Variants in IST1 observed in about 807,000 individuals in gnomAD.
IST1 encodes the protein IST1 homolog.
Under a neutral mutation model 37.0 loss-of-function variants are expected in IST1, and 23 were observed. The observed-to-expected ratio is 0.62, with a 90% CI of 0.45 to 0.88. The LOEUF (loss-of-function observed/expected upper bound fraction) is 0.88. Among genes scored for constraint, IST1 ranks in the 40% least tolerant of loss-of-function variants. The probability of loss-of-function intolerance (pLI) is 0.00; values close to 1 mark genes in which losing one functional copy is unlikely to be tolerated. For synonymous variants in IST1, 180 were observed against 161.7 expected, an observed-to-expected ratio of 1.11 and a Z score of -0.86; for missense variants, 488 against 445.4, an observed-to-expected ratio of 1.10 and a Z score of -0.86.
intron 2 of IST1, 99 bp downstream of exon 2, chr16:71,915,827 ATT>A: frequency 1.4e-6 from 1 of 697,388 alleles, no homozygotes; most frequent in Non-Finnish European, 2.4e-6. Flanking sequence ...TAGGGATCAT[ATT>A]TTTTTTTGTT....
chr16:71,922,472 A>G lies in IST1; in HGVS notation c.553-2A>G. 6.2e-7 allele frequency: 1 copy of G among 1,610,832 alleles called. No homozygotes were observed. The highest frequency in any genetic ancestry group is 1.7e-4 in the Middle Eastern group (1 of 6,028). On this transcript the variant is annotated splice_acceptor_variant, in intron 6 of 9. Coordinates refer to ENST00000378799, the MANE Select transcript of IST1 (RefSeq NM_001270975.2). LOFTEE classifies it high-confidence loss of function. ...TGACCTGGGTTTCTCTTTTTTTCTC[A>G]GGCAGAAGCTCCTCCTGGGGTAGAG... is the stretch of plus-strand genomic sequence containing the variant.
At chr16:71,922,735 T>TG in intron 7 of IST1, 55 bp downstream of exon 7, 1 of 1,442,212 alleles carries the variant, frequency 6.9e-7, no homozygotes, top group South Asian at 1.2e-5. Context: ...GATAACAAGT[T>TG]GGCTCTGTGA....
At chr16:71,922,880 A>G in intron 7 of IST1, 200 bp downstream of exon 7, 2 of 607,204 alleles carry the variant, frequency 3.3e-6, no homozygotes, top group Non-Finnish European at 5.8e-6. Flanking sequence ...GAAAATCTAT[A>G]GAGTTGGTGC....
rs139201889 is a variant in IST1 at position 71,914,947 on chromosome 16, C to G, written c.-15-679C>G. 2.3e-3 allele frequency among the ~76,000 whole-genome samples: 353 copies of G among 152,240 alleles called. 1 individual carries two copies. Among genetic ancestry groups the G allele is most frequent in the African/African-American group, 8.1e-3 (337 of 41,544 alleles). Reference sequence around the variant, plus strand: ...GGTAGAGGACGGGTGGTTTTGTTTACTGTAACTCTGCTATTCAGTGAAATT... The same window carrying G: ...GGTAGAGGACGGGTGGTTTTGTTTAGTGTAACTCTGCTATTCAGTGAAATT... On this transcript the variant is annotated intron_variant, in intron 1 of 9. Coordinates refer to ENST00000378799, the MANE Select transcript of IST1 (RefSeq NM_001270975.2).
At position 71,924,808 on chromosome 16, in the gene IST1, C is replaced by T. The variant is rs766516744; in HGVS notation, c.892C>T (p.Gln298Ter). The change falls in exon 9 of 10, where the codon CAG becomes TAG. Residue 298 changes from glutamine (Q) to a stop codon, truncating the protein, a stop_gained. Transcript: ENST00000378799. LOFTEE classifies it high-confidence loss of function. ...TGCTGATAAGAATATCTCTTCTGCA[C>T]AGATTGTTGGTGAGTAGTATCAATC... Reference protein sequence around the residue: ...INADKNISSAQIVGPGPKPEA... With the variant: ...INADKNISSA 1 of 1,607,218 alleles carries T rather than the reference C, an allele frequency of 6.2e-7. No homozygotes were observed. The highest frequency in any genetic ancestry group is 8.5e-7 in the Non-Finnish European group (1 of 1,173,660).
intron 1 of IST1, among the ~76,000 whole-genome samples, chr16:71,911,015 G>A (rs2037342193): frequency 6.6e-6 from 1 of 152,112 alleles, no homozygotes; most frequent in Non-Finnish European, 1.5e-5. Flanking sequence ...TGAGGTGGGT[G>A]GATCACTTGA....
intron 1 of IST1, among the ~76,000 whole-genome samples, chr16:71,901,858 G>C (rs2037116039): frequency 6.6e-6 from 1 of 152,210 alleles, no homozygotes; most frequent in South Asian, 2.1e-4. Flanking sequence ...GTGTGTGGGT[G>C]ACATACCGTT....
chr16:71,927,241 T>TGTAATCCA (rs2037765727), intron 9 of IST1, among the ~76,000 whole-genome samples: 1 of 152,190 alleles, frequency 6.6e-6, no homozygotes, highest in Non-Finnish European at 1.5e-5. Flanking sequence ...GGCTCACACC[T>TGTAATCCA]GTAATCCAGC....
chr16:71,929,509 A>G lies in IST1; in HGVS notation c.*1696A>G. 6.5e-7 allele frequency: 1 copy of G among 1,531,330 alleles called. No homozygotes were observed. Among genetic ancestry groups the G allele is most frequent in the South Asian group, 1.2e-5 (1 of 80,262 alleles). 94.9% of individuals were successfully genotyped at this position (1,531,330 alleles called of 1,614,324 possible). A position where few individuals can be genotyped will look rare whatever the true frequency, so the allele number is the denominator to read the frequency against. On this transcript the variant is annotated 3_prime_UTR_variant, in exon 10 of 10. Coordinates refer to ENST00000378799, the MANE Select transcript of IST1 (RefSeq NM_001270975.2). ...AAAGATAAGTAGTAATACGCTAATAAATACTAAGCCAAGTAGGAGATAACA... is the reference window on the plus strand; with the variant it reads ...AAAGATAAGTAGTAATACGCTAATAGATACTAAGCCAAGTAGGAGATAACA...
intron 1 of IST1, among the ~76,000 whole-genome samples, chr16:71,915,191 T>C (rs375939909): frequency 6.6e-6 from 1 of 152,178 alleles, no homozygotes; most frequent in East Asian, 1.9e-4. Flanking sequence ...CTTCCCCCAT[T>C]GCCATCCCTG....
intron 1 of IST1, among the ~76,000 whole-genome samples, chr16:71,914,642 A>G (rs1357929296): frequency 6.6e-6 from 1 of 152,148 alleles, no homozygotes; most frequent in Non-Finnish European, 1.5e-5. Flanking sequence ...GGGTAAAGAA[A>G]GGCTTTTGGG....
At chr16:71,922,938 TTA>T (rs1009351060) in intron 7 of IST1, 2 of 546,666 alleles carry the variant, frequency 3.7e-6, no homozygotes, top group Non-Finnish European at 6.5e-6. Context: ...TTGGGATCTG[TTA>T]TAGTCATACT....
rs369116888 is a variant in IST1, at chr16:71,921,464, C to A, written c.552+11C>A. 1 of 1,513,986 alleles carries A rather than the reference C, an allele frequency of 6.6e-7. No individual in the cohort carries two copies. Among genetic ancestry groups the A allele is most frequent in the East Asian group, 2.3e-5 (1 of 44,428 alleles). The allele number at this position is 1,513,986 out of a possible 1,614,324, so 93.8% of individuals were successfully genotyped here. ...GACTCTGTGGTCATGGTAAGTTTAT[C>A]CCAGAATACAAAGAAAAATGAGTTT... On this transcript the variant is annotated intron_variant, in intron 6 of 9. Coordinates refer to ENST00000378799, the MANE Select transcript of IST1 (RefSeq NM_001270975.2).
chr16:71,907,787 G>A (rs1294818465), intron 1 of IST1, among the ~76,000 whole-genome samples: 2 of 151,746 alleles, frequency 1.3e-5, no homozygotes, highest in African/African-American at 4.8e-5. Flanking sequence ...TTCTTTCTTT[G>A]GTTTGTAATT....
chr16:71,924,880 A>T, intron 9 of IST1, 63 bp downstream of exon 9: 3 of 1,142,286 alleles, frequency 2.6e-6, no homozygotes, highest in Non-Finnish European at 4.0e-6. Flanking sequence ...TTTTCTCATT[A>T]TTGTTCCTCC....
intron 1 of IST1, chr16:71,903,274 C>G (rs1339687597): frequency 6.6e-6 from 1 of 152,196 alleles, no homozygotes; most frequent in Non-Finnish European, 1.5e-5. Flanking sequence ...AACCACTGAG[C>G]CTGGCCTCTT....
At chr16:71,915,069 T>G (rs1284623738) in intron 1 of IST1, among the ~76,000 whole-genome samples, 1 of 152,204 alleles carries the variant, frequency 6.6e-6, no homozygotes, top group African/African-American at 2.4e-5. Context: ...TAGATGTCAA[T>G]GATATTTCTG....
At chr16:71,924,528 C>A in intron 8 of IST1, 1 of 576,818 alleles carries the variant, frequency 1.7e-6, no homozygotes, top group Admixed American at 3.0e-5. Context: ...GAAGTGGAGG[C>A]TGTGGTGAGC....
chr16:71,920,843 A>C (rs2037562807), intron 5 of IST1, 21 bp downstream of exon 5: 4 of 1,549,602 alleles, frequency 2.6e-6, no homozygotes, highest in Non-Finnish European at 3.6e-6. Flanking sequence ...TACTTGGTAA[A>C]CATGAAGGCA....
Sources: allele counts gnomAD v4.1 joint callset (sites outside exome capture counted in the v4.1 genomes callset), GRCh38; gene constraint gnomAD v4.1.1; transcripts MANE v1.5; gene names NCBI Gene and HGNC (gene_info 2026-07-23, HGNC 2026-07-21).